The following KIAA1671 variants were observed in gnomAD, a reference collection of about 807,000 sequenced individuals.
KIAA1671 encodes the protein uncharacterized protein KIAA1671.
In KIAA1671, 52 loss-of-function variants were observed where a neutral mutation model predicts 131.2. The observed-to-expected ratio is 0.40, with a 90% CI of 0.32 to 0.50. The LOEUF (loss-of-function observed/expected upper bound fraction) is 0.50. Among genes scored for constraint, KIAA1671 ranks in the 20% least tolerant of loss-of-function variants. KIAA1671 has a pLI of 0.73. For synonymous variants in KIAA1671, 1,003 were observed against 961.6 expected, an observed-to-expected ratio of 1.04 and a Z score of -0.80; for missense variants, 2,360 against 2,364.2, an observed-to-expected ratio of 1.00 and a Z score of 0.04.
intron 1 of KIAA1671, among the ~76,000 whole-genome samples, chr22:25,022,357 G>A (rs1377774981): frequency 1.3e-5 from 2 of 152,200 alleles, no homozygotes; most frequent in Non-Finnish European, 2.9e-5. Context: ...GTTTTGAATG[G>A]AAGTGCTTTT....
intron 6 of KIAA1671, among the ~76,000 whole-genome samples, chr22:25,113,827 G>A (rs1931516096): frequency 6.6e-6 from 1 of 152,250 alleles, no homozygotes; most frequent in Non-Finnish European, 1.5e-5. Context: ...AGGGAAAGAA[G>A]GCCCCTCATT....
intron 6 of KIAA1671, among the ~76,000 whole-genome samples, chr22:25,153,290 G>T (rs1012669626): frequency 1.3e-5 from 2 of 152,210 alleles, no homozygotes. Context: ...TAGACCAGTA[G>T]TTCTCAACCT....
At chr22:25,083,382 A>G (rs1929517225) in intron 6 of KIAA1671, among the ~76,000 whole-genome samples, 1 of 152,188 alleles carries the variant, frequency 6.6e-6, no homozygotes, top group Non-Finnish European at 1.5e-5. Flanking sequence ...TTTTCAAATA[A>G]TAGTCACCTT....
chr22:25,116,889 A>G (rs993034078), intron 6 of KIAA1671, among the ~76,000 whole-genome samples: 6 of 152,200 alleles, frequency 3.9e-5, no homozygotes, highest in Non-Finnish European at 7.3e-5. Flanking sequence ...TGAGAGAACT[A>G]TCTTAAAATA....
intron 6 of KIAA1671, among the ~76,000 whole-genome samples, chr22:25,120,997 C>T (rs1931910783): frequency 6.6e-6 from 1 of 152,150 alleles, no homozygotes; most frequent in Admixed American, 6.5e-5. Flanking sequence ...GATCAGAAGG[C>T]CCCTTTGTTA....
At chr22:25,070,386 C>T (rs1195459999) in intron 6 of KIAA1671, 28 of 515,868 alleles carry the variant, frequency 5.4e-5, no homozygotes, top group Non-Finnish European at 9.4e-5. Context: ...ACTACTGCCC[C>T]AGCCTGCTGA....
intron 6 of KIAA1671, among the ~76,000 whole-genome samples, chr22:25,077,516 G>T (rs188411195): frequency 3.0e-4 from 46 of 152,328 alleles, no homozygotes; most frequent in African/African-American, 1.0e-3. Context: ...GACTCTCGCA[G>T]GCTTCCTCTA....
chr22:25,195,954 C>T lies in KIAA1671; in HGVS notation c.*3553C>T, dbSNP rs1934813815. On this transcript the variant is annotated 3_prime_UTR_variant, in exon 13 of 13. Transcript: ENST00000358431. ...GGGGCTGGAGGGATAGGACCCACTC[C>T]ACATCTAAAGGGGATCTGCTTTGGG... The T allele has an allele frequency of 2.6e-5, 4 of 152,126 alleles. No homozygotes were observed. The highest frequency in any genetic ancestry group is 2.6e-4 in the Admixed American group (4 of 15,274). 9.4% of individuals were successfully genotyped at this position (152,126 alleles called of 1,614,324 possible).
chr22:25,123,198 T>G (rs1014035289), intron 6 of KIAA1671, among the ~76,000 whole-genome samples: 10 of 138,904 alleles, frequency 7.2e-5, no homozygotes, highest in Non-Finnish European at 1.6e-4. Context: ...AGGTTTTTTT[T>G]TTTTTTTTTT....
intron 1 of KIAA1671, among the ~76,000 whole-genome samples, chr22:25,019,328 AGG>A (rs1158591979): frequency 2.0e-5 from 3 of 152,148 alleles, no homozygotes; most frequent in African/African-American, 7.2e-5. Context: ...GGGATGGTAA[AGG>A]GATGAAATGA....
intron 6 of KIAA1671, among the ~76,000 whole-genome samples, chr22:25,084,046 C>A (rs1321241825): frequency 6.6e-6 from 1 of 152,260 alleles, no homozygotes; most frequent in East Asian, 1.9e-4. Flanking sequence ...CACGTGAGTG[C>A]AGGTCAGTCC....
At chr22:25,146,698 C>T (rs965721589) in intron 6 of KIAA1671, among the ~76,000 whole-genome samples, 3 of 152,236 alleles carry the variant, frequency 2.0e-5, no homozygotes, top group Admixed American at 6.5e-5. Flanking sequence ...GTTCCCCCCA[C>T]TCCTCCAATG....
At chr22:25,093,742 C>CTCTCTCTCTCTG (rs1930170148) in intron 6 of KIAA1671, among the ~76,000 whole-genome samples, 9 of 118,556 alleles carry the variant, frequency 7.6e-5, no homozygotes, top group African/African-American at 1.8e-4. Flanking sequence ...CACACACTCT[C>CTCTCTCTCTCTG]TCTCTCTCTC....
intron 4 of KIAA1671, among the ~76,000 whole-genome samples, chr22:25,033,078 A>G (rs1926380574): frequency 6.6e-6 from 1 of 152,152 alleles, no homozygotes; most frequent in Non-Finnish European, 1.5e-5. Context: ...CTTACCACCT[A>G]GCCATAGAAG....
intron 6 of KIAA1671, among the ~76,000 whole-genome samples, chr22:25,098,521 G>C (rs907005124): frequency 2.0e-5 from 3 of 151,992 alleles, no homozygotes; most frequent in African/African-American, 7.2e-5. Context: ...GAAGGGTGCT[G>C]TGATAGGGTC....
chr22:25,074,146 G>T (rs1358642502), intron 6 of KIAA1671, among the ~76,000 whole-genome samples: 1 of 151,840 alleles, frequency 6.6e-6, no homozygotes, highest in Non-Finnish European at 1.5e-5. Context: ...CTTTTTAAAG[G>T]CTGTATAATC....
intron 6 of KIAA1671, among the ~76,000 whole-genome samples, chr22:25,154,074 C>G (rs1329726783): frequency 1.3e-5 from 2 of 152,248 alleles, no homozygotes; most frequent in African/African-American, 2.4e-5. Flanking sequence ...ACTTCTCAGT[C>G]AGCCAAGTAA....
chr22:25,129,507 G>GAAAAAAAAAAAAAAAAAAA (rs768667507), intron 6 of KIAA1671, among the ~76,000 whole-genome samples: 1 of 130,866 alleles, frequency 7.6e-6, no homozygotes, highest in African/African-American at 2.7e-5. Context: ...GACTCCATCT[G>GAAAAAAAAAAAAAAAAAAA]AAAAAAAAAA....
intron 6 of KIAA1671, among the ~76,000 whole-genome samples, chr22:25,141,496 T>TGCTG (rs1160272071): frequency 6.6e-6 from 1 of 152,194 alleles, no homozygotes; most frequent in African/African-American, 2.4e-5. Flanking sequence ...CCTCCCAAAG[T>TGCTG]GCTGGGATTA....
Sources: allele counts gnomAD v4.1 joint callset (sites outside exome capture counted in the v4.1 genomes callset), GRCh38; gene constraint gnomAD v4.1.1; transcripts MANE v1.5; gene names NCBI Gene and HGNC (gene_info 2026-07-23, HGNC 2026-07-21).